The following COMMD1 variants were observed in gnomAD, a reference collection of about 807,000 sequenced individuals.
COMMD1 encodes copper metabolism domain containing 1, also known as COMM domain-containing protein 1.
Under a neutral mutation model 17.2 loss-of-function variants are expected in COMMD1, and 10 were observed. That is an observed-to-expected ratio of 0.58 (90% CI 0.36 to 0.99). COMMD1 has a LOEUF of 0.99. Among genes scored for constraint, COMMD1 ranks in the 50% least tolerant of loss-of-function variants. The pLI, the probability that COMMD1 is intolerant of heterozygous loss-of-function variation, is 0.01. For synonymous variants in COMMD1, 97 were observed against 91.6 expected (o/e 1.06, Z -0.34); for missense variants, 270 against 231.8 (o/e 1.17, Z -1.07).
At chr2:61,979,153 C>G (rs898987208) in intron 1 of COMMD1, among the ~76,000 whole-genome samples, 1 of 152,034 alleles carries the variant, frequency 6.6e-6, no homozygotes, top group South Asian at 2.1e-4. Flanking sequence ...ATCTGTCTAC[C>G]CTCTTTCTCC....
chr2:62,065,454 G>T (rs1034695660), intron 2 of COMMD1, among the ~76,000 whole-genome samples: 5 of 149,088 alleles, frequency 3.4e-5, no homozygotes, highest in Admixed American at 1.4e-4. Flanking sequence ...CTCCTGAGTG[G>T]CTGGAACAAC....
chr2:61,957,488 AAGATGCT>A lies in COMMD1; in HGVS notation c.181-43212_181-43206del, dbSNP rs1020874273. Among the ~76,000 whole-genome samples the A allele has an allele frequency of 3.2e-4, 48 of 152,220 alleles. 1 individual carries two copies. The highest frequency in any genetic ancestry group is 4.1e-4 in the South Asian group (2 of 4,820). On this transcript the variant is annotated intron_variant, in intron 1 of 2. Transcript: ENST00000311832. ...GACTGTGGTTTTCTGTTTTTTGCCA[AAGATGCT>A]TAACTCAGTTTTTGGATTGACCCCA... is the stretch of plus-strand genomic sequence containing the variant.
chr2:62,059,284 A>G (rs1349070539), intron 2 of COMMD1, among the ~76,000 whole-genome samples: 1 of 151,900 alleles, frequency 6.6e-6, no homozygotes, highest in African/African-American at 2.4e-5. Flanking sequence ...CCTCCCTAGT[A>G]GCTGGGACCA....
At chr2:62,102,437 T>C (rs569276069) in intron 2 of COMMD1, among the ~76,000 whole-genome samples, 20 of 152,336 alleles carry the variant, frequency 1.3e-4, no homozygotes, top group African/African-American at 4.6e-4. Context: ...ATTTTCTCTT[T>C]TTTCTGTGTC....
chr2:62,027,581 C>A (rs148522885), intron 2 of COMMD1, among the ~76,000 whole-genome samples: 46 of 152,146 alleles, frequency 3.0e-4, no homozygotes, highest in African/African-American at 1.1e-3. Context: ...AATTTTGTGA[C>A]AGAAAAGGAC....
At chr2:62,132,478 A>G (rs1390839035) in intron 2 of COMMD1, among the ~76,000 whole-genome samples, 1 of 152,076 alleles carries the variant, frequency 6.6e-6, no homozygotes, top group Non-Finnish European at 1.5e-5. Context: ...TTTTTTATCA[A>G]TGTCCTTAAT....
intron 1 of COMMD1, among the ~76,000 whole-genome samples, chr2:61,981,487 G>A (rs1671950744): frequency 6.6e-6 from 1 of 152,134 alleles, no homozygotes; most frequent in Non-Finnish European, 1.5e-5. Context: ...TCTCTATTCT[G>A]TTCCACTGGT....
chr2:61,950,831 A>T (rs1007337284), intron 1 of COMMD1, among the ~76,000 whole-genome samples: 1 of 152,166 alleles, frequency 6.6e-6, no homozygotes, highest in Non-Finnish European at 1.5e-5. Context: ...AGGGTGCAAG[A>T]CTTCATCACA....
intron 1 of COMMD1, among the ~76,000 whole-genome samples, chr2:61,970,907 T>A (rs918866557): frequency 6.6e-6 from 1 of 152,128 alleles, no homozygotes; most frequent in African/African-American, 2.4e-5. Context: ...TCCCCAGTAT[T>A]TGTTTTTTTT....
At chr2:62,045,804 C>G (rs557035998) in intron 2 of COMMD1, among the ~76,000 whole-genome samples, 1 of 136,584 alleles carries the variant, frequency 7.3e-6, no homozygotes, top group African/African-American at 2.7e-5. Context: ...GTGGCGCCAT[C>G]TCGGCCCACT....
intron 1 of COMMD1, among the ~76,000 whole-genome samples, chr2:61,927,536 A>T (rs1227677286): frequency 1.3e-5 from 2 of 151,540 alleles, no homozygotes; most frequent in African/African-American, 4.9e-5. Context: ...GGGACTACAG[A>T]TGCCCGCCCG....
intron 1 of COMMD1, among the ~76,000 whole-genome samples, chr2:61,911,959 G>A (rs1002599160): frequency 6.6e-6 from 1 of 152,058 alleles, no homozygotes; most frequent in Non-Finnish European, 1.5e-5. Context: ...TATTCATGTG[G>A]CTTGTTCATT....
intron 1 of COMMD1, among the ~76,000 whole-genome samples, chr2:61,925,676 T>G (rs1670312446): frequency 6.6e-6 from 1 of 152,124 alleles, no homozygotes; most frequent in Non-Finnish European, 1.5e-5. Flanking sequence ...CCAAGAAGCT[T>G]TCTTGGGGCA....
Position 62,018,848 on chromosome 2 carries a change from T to C in COMMD1, c.462+17866T>C, listed in dbSNP as rs564989092. ...AGAAATTTAATTTCTCATAGTTCTG[T>C]AGGCTGGGAGTCCAAGATTGAGGTG... is the stretch of plus-strand genomic sequence containing the variant. On this transcript the variant is annotated intron_variant, in intron 2 of 2. Coordinates refer to ENST00000311832, the MANE Select transcript of COMMD1 (RefSeq NM_152516.4). Among the ~76,000 whole-genome samples, 3 of 152,316 alleles carry C rather than the reference T, an allele frequency of 2.0e-5. No homozygotes were observed. The South Asian group carries it at 6.2e-4, about 32-fold the overall frequency.
chr2:62,017,121 A>C (rs544544553), intron 2 of COMMD1, among the ~76,000 whole-genome samples: 2 of 152,244 alleles, frequency 1.3e-5, no homozygotes, highest in Non-Finnish European at 2.9e-5. Context: ...CAAATAAGCT[A>C]AACTTCCTTT....
intron 2 of COMMD1, among the ~76,000 whole-genome samples, chr2:62,068,297 T>A (rs1671110162): frequency 6.6e-6 from 1 of 152,230 alleles, no homozygotes; most frequent in African/African-American, 2.4e-5. Flanking sequence ...AAATGGATCA[T>A]AAAACTATAA....
chr2:62,038,925 G>GTATACTCA (rs1319308270), intron 2 of COMMD1, among the ~76,000 whole-genome samples: 5 of 152,166 alleles, frequency 3.3e-5, no homozygotes, highest in Non-Finnish European at 4.4e-5. Flanking sequence ...GACAGTTTAT[G>GTATACTCA]TATACTCATA....
At chr2:61,899,673 TTTTG>T (rs1302684200) in intron 1 of COMMD1, among the ~76,000 whole-genome samples, 29 of 152,194 alleles carry the variant, frequency 1.9e-4, no homozygotes, top group Non-Finnish European at 3.2e-4. Context: ...GTTCTTGTTG[TTTTG>T]TTTGTTTGTT....
intron 1 of COMMD1, among the ~76,000 whole-genome samples, chr2:61,983,767 T>C (rs757089656): frequency 6.6e-6 from 1 of 152,170 alleles, no homozygotes; most frequent in Non-Finnish European, 1.5e-5. Context: ...ATTTTGTTTA[T>C]CTTTTCAAAA....
Sources: allele counts gnomAD v4.1 joint callset (sites outside exome capture counted in the v4.1 genomes callset), GRCh38; gene constraint gnomAD v4.1.1; transcripts MANE v1.5; gene names NCBI Gene and HGNC (gene_info 2026-07-23, HGNC 2026-07-21).